Variants in MAMDC2 observed in about 807,000 individuals in gnomAD.
MAMDC2 encodes the protein MAM domain containing 2, also known as MAM domain-containing protein 2.
Under a neutral mutation model 89.8 loss-of-function variants are expected in MAMDC2, and 57 were observed. The observed-to-expected ratio is 0.63, with a 90% CI of 0.51 to 0.79. The LOEUF (loss-of-function observed/expected upper bound fraction) is 0.79, where lower values mean the gene tolerates loss of function less well. Ranked by LOEUF, MAMDC2 falls within the 30% of genes least tolerant of loss-of-function variation. The pLI, the probability that MAMDC2 is intolerant of heterozygous loss-of-function variation, is 0.00. For synonymous variants in MAMDC2, 313 were observed against 293.4 expected, an observed-to-expected ratio of 1.07 and a Z score of -0.68; for missense variants, 800 against 820.6, an observed-to-expected ratio of 0.97 and a Z score of 0.31.
intron 2 of MAMDC2, among the ~76,000 whole-genome samples, chr9:70,080,353 A>T (rs1431100982): frequency 6.6e-6 from 1 of 152,192 alleles, no homozygotes; most frequent in Non-Finnish European, 1.5e-5. Context: ...ATCCACACAC[A>T]TTCATGCATG....
At chr9:70,181,285 T>C (rs182091681) in intron 11 of MAMDC2, among the ~76,000 whole-genome samples, 74 of 152,342 alleles carry the variant, frequency 4.9e-4, no homozygotes, top group Admixed American at 4.4e-3. Context: ...TCAGGTAACG[T>C]GATGCCTCCA....
chr9:70,191,297 TCC>T (rs1336317625), intron 11 of MAMDC2, among the ~76,000 whole-genome samples: 1 of 152,152 alleles, frequency 6.6e-6, no homozygotes, highest in Non-Finnish European at 1.5e-5. Flanking sequence ...GGTTCCATAT[TCC>T]TCCCTGATTT....
chr9:70,111,289 GT>G (rs1364311909), intron 4 of MAMDC2, among the ~76,000 whole-genome samples: 6 of 152,208 alleles, frequency 3.9e-5, no homozygotes, highest in African/African-American at 1.4e-4. Flanking sequence ...AAAATAATTG[GT>G]ATATACAGTG....
intron 2 of MAMDC2, among the ~76,000 whole-genome samples, chr9:70,069,592 C>T (rs1180748913): frequency 6.6e-6 from 1 of 152,148 alleles, no homozygotes; most frequent in East Asian, 1.9e-4. Flanking sequence ...CTACTTTGTT[C>T]CTTAATGGCT....
intron 2 of MAMDC2, among the ~76,000 whole-genome samples, chr9:70,096,591 C>T (rs1828034557): frequency 6.6e-6 from 1 of 152,196 alleles, no homozygotes; most frequent in Non-Finnish European, 1.5e-5. Context: ...ACAGCAATGT[C>T]ATTCTCTTGG....
At chr9:70,211,730 T>G (rs1350918569) in intron 11 of MAMDC2, among the ~76,000 whole-genome samples, 3 of 152,248 alleles carry the variant, frequency 2.0e-5, no homozygotes, top group African/African-American at 7.2e-5. Context: ...TCAGCTTTTC[T>G]GCTCTGGTTT....
rs143874467 is a variant in MAMDC2 at position 70,139,928 on chromosome 9, C to T, written c.995-217C>T. On this transcript the variant is annotated intron_variant, in intron 7 of 13. Coordinates refer to ENST00000377182, the MANE Select transcript of MAMDC2 (RefSeq NM_153267.5). ...AATGTGAACAGTGCTCCTTTCTCCCCTCCCTTTAGAAAGGAAAAGAACAAT... is the reference window on the plus strand; with the variant it reads ...AATGTGAACAGTGCTCCTTTCTCCCTTCCCTTTAGAAAGGAAAAGAACAAT... 3.3e-5 allele frequency among the ~76,000 whole-genome samples: 5 copies of T among 152,240 alleles called. No homozygotes were observed. In the East Asian group the frequency reaches 9.6e-4, roughly 29 times the overall value.
At chr9:70,153,715 C>T (rs1227492360) in intron 9 of MAMDC2, 4 of 152,092 alleles carry the variant, frequency 2.6e-5, no homozygotes, top group African/African-American at 9.7e-5. Context: ...CATCTTTACT[C>T]TGTCATAGGA....
intron 10 of MAMDC2, chr9:70,169,852 A>G (rs2032280023): frequency 6.6e-6 from 1 of 152,208 alleles, no homozygotes; most frequent in African/African-American, 2.4e-5. Flanking sequence ...AAGTTCTAAA[A>G]TTTAATTATT....
At position 70,218,463 on chromosome 9, in the gene MAMDC2, G is replaced by C. The variant is rs780670116; in HGVS notation, c.1778G>C (p.Gly593Ala). The C allele has an allele frequency of 2.5e-6, 4 of 1,614,082 alleles. No homozygotes were observed. The highest frequency in any genetic ancestry group is 1.7e-5 in the Admixed American group (1 of 60,002). Residue 593 changes from glycine to alanine, a missense_variant, in exon 12 of 14, where the codon GGC becomes GCC. Gly to Ala is a moderately conservative substitution (Grantham distance 60). Coordinates refer to ENST00000377182, the MANE Select transcript of MAMDC2 (RefSeq NM_153267.5). ...LTFFYHMYGG[G>A]TGLLSVYLKK... ...TTTTTCTACCACATGTATGGAGGGG[G>C]CACTGGCCTGCTGAGTGTTTATCTG... is the stretch of plus-strand genomic sequence containing the variant.
chr9:70,046,308 A>G (rs923494321), intron 2 of MAMDC2, among the ~76,000 whole-genome samples: 2 of 152,230 alleles, frequency 1.3e-5, no homozygotes, highest in Non-Finnish European at 2.9e-5. Context: ...ACACACACAC[A>G]CAACCTGTGC....
At chr9:70,166,685 T>C (rs968115946) in intron 9 of MAMDC2, among the ~76,000 whole-genome samples, 2 of 152,174 alleles carry the variant, frequency 1.3e-5, no homozygotes, top group African/African-American at 4.8e-5. Context: ...ATGGTCACTA[T>C]AAAACAATGC....
At chr9:70,197,835 C>G (rs75338855) in intron 11 of MAMDC2, among the ~76,000 whole-genome samples, 10,470 of 152,120 alleles carry the variant, frequency 0.069, 573 homozygotes, top group East Asian at 0.22. Flanking sequence ...TCCAGGATCA[C>G]CCAAATCAGA....
intron 5 of MAMDC2, among the ~76,000 whole-genome samples, chr9:70,116,714 A>G (rs1311346841): frequency 6.7e-6 from 1 of 148,710 alleles, no homozygotes; most frequent in African/African-American, 2.5e-5. Flanking sequence ...AAAAAAAAAA[A>G]GAGGACTAAA....
intron 9 of MAMDC2, chr9:70,153,114 G>C (rs1210419736): frequency 6.6e-6 from 1 of 152,074 alleles, no homozygotes; most frequent in East Asian, 1.9e-4. Context: ...TAAAGAAATG[G>C]CTGCTTTTAT....
At position 70,126,282 on chromosome 9, in the gene MAMDC2, G is replaced by A. The variant is rs1164094642; in HGVS notation, c.767G>A (p.Gly256Glu). 8 of 1,614,154 alleles carry A rather than the reference G, an allele frequency of 5.0e-6. No individual in the cohort carries two copies. Among genetic ancestry groups the A allele is most frequent in the Non-Finnish European group, 6.8e-6 (8 of 1,180,028 alleles). The change falls in exon 6 of 14, where the codon GGG (glycine) becomes GAG (glutamate). Residue 256 changes from glycine to glutamate, a missense_variant. Coordinates refer to ENST00000377182, the MANE Select transcript of MAMDC2 (RefSeq NM_153267.5). ...CLSFYYQIQQ[G>E]NDNVFSLYTR... ...TCATTTTATTACCAGATCCAGCAGG[G>A]GAATGACAATGTCTTTTCCCTTTAC...
At chr9:70,080,697 C>T (rs1288473831) in intron 2 of MAMDC2, among the ~76,000 whole-genome samples, 1 of 152,128 alleles carries the variant, frequency 6.6e-6, no homozygotes, top group Non-Finnish European at 1.5e-5. Context: ...GTTGAGTTAG[C>T]GGCCAACAGC....
intron 11 of MAMDC2, among the ~76,000 whole-genome samples, chr9:70,215,655 G>A (rs1462324304): frequency 2.0e-5 from 3 of 152,194 alleles, no homozygotes; most frequent in African/African-American, 2.4e-5. Flanking sequence ...GGAGCCTATG[G>A]TGGCACCATG....
chr9:70,134,619 C>T (rs2030937345), intron 7 of MAMDC2, among the ~76,000 whole-genome samples: 1 of 152,168 alleles, frequency 6.6e-6, no homozygotes, highest in African/African-American at 2.4e-5. Flanking sequence ...AGAATCACTA[C>T]CTAAATCCCA....
Sources: gnomAD v4.1 joint callset for allele counts (sites outside exome capture counted in the v4.1 genomes callset) on GRCh38, gnomAD v4.1.1 for gene constraint, MANE v1.5 for transcripts, NCBI Gene and HGNC (gene_info 2026-07-23, HGNC 2026-07-21) for gene names.